NINL: variants seen among roughly 807,000 people sequenced by gnomAD.
NINL encodes the protein ninein-like protein.
A neutral mutation model predicts 160.3 loss-of-function variants in NINL; 153 were observed. The observed-to-expected ratio is 0.95, with a 90% CI of 0.84 to 1.09. The LOEUF (loss-of-function observed/expected upper bound fraction) is 1.09. Ranked by LOEUF, NINL falls within the 50% of genes least tolerant of loss-of-function variation. The pLI, the probability that NINL is intolerant of heterozygous loss-of-function variation, is 0.00. For missense variants in NINL, 1,829 were observed against 1,764.0 expected (o/e 1.04, Z -0.66); for synonymous variants, 800 against 734.8 (o/e 1.09, Z -1.43).
intron 13 of NINL, among the ~76,000 whole-genome samples, chr20:25,485,780 T>G (rs1263244193): frequency 3.3e-5 from 5 of 152,242 alleles, no homozygotes; most frequent in Admixed American, 1.3e-4. Flanking sequence ...AAAACTTGGA[T>G]GTCATGAAGA....
Position 25,521,689 on chromosome 20 carries a change from C to T in NINL, c.181-3840G>A, listed in dbSNP as rs73335381. Among the ~76,000 whole-genome samples the T allele has an allele frequency of 8.7e-3, 1,331 of 152,278 alleles. 26 individuals carry two copies. Among genetic ancestry groups the T allele is most frequent in the African/African-American group, 0.031 (1,268 of 41,556 alleles). On this transcript the variant is annotated intron_variant, in intron 2 of 23. Coordinates refer to ENST00000278886, the MANE Select transcript of NINL (RefSeq NM_025176.6). ...AGCAGTATAATGACTGACTGCAATT[C>T]ATCTTTACCCTACAGGTCTTACCCT...
At chr20:25,455,104 C>T (rs1011899433) in intron 23 of NINL, among the ~76,000 whole-genome samples, 5 of 152,136 alleles carry the variant, frequency 3.3e-5, no homozygotes, top group Admixed American at 6.5e-5. Context: ...CCCCCAGACA[C>T]GAGGAGATGT....
chr20:25,469,707 T>C (rs2063045212), intron 18 of NINL, among the ~76,000 whole-genome samples: 1 of 152,176 alleles, frequency 6.6e-6, no homozygotes, highest in African/African-American at 2.4e-5. Flanking sequence ...ACGGCGCCTG[T>C]GCTAGGGCTC....
chr20:25,546,662 C>T (rs2064736774), intron 1 of NINL, among the ~76,000 whole-genome samples: 1 of 151,974 alleles, frequency 6.6e-6, no homozygotes, highest in African/African-American at 2.4e-5. Context: ...TACCCTACCC[C>T]CACCCTCCAA....
At chr20:25,503,026 A>C (rs1601167473) in intron 7 of NINL, among the ~76,000 whole-genome samples, 1 of 152,246 alleles carries the variant, frequency 6.6e-6, no homozygotes. Flanking sequence ...TTGCTGGGGC[A>C]TATCACAGCA....
intron 6 of NINL, 66 bp from the exon 7 acceptor site, chr20:25,504,170 C>T: frequency 7.4e-7 from 1 of 1,345,306 alleles, no homozygotes; most frequent in African/African-American, 1.5e-5. Flanking sequence ...CTCACCAGGG[C>T]CTCCCTCCCT....
intron 1 of NINL, among the ~76,000 whole-genome samples, chr20:25,583,553 G>A (rs2065196816): frequency 6.6e-6 from 1 of 152,176 alleles, no homozygotes; most frequent in South Asian, 2.1e-4. Flanking sequence ...AACCATTGTG[G>A]AAGACAGTGT....
In NINL at chr20:25,500,922, T is replaced by C. The variant is rs369412934; in HGVS notation, c.950A>G (p.Asp317Gly). 9 of 1,614,166 alleles carry C rather than the reference T, an allele frequency of 5.6e-6. No homozygotes were observed. In the South Asian group the frequency reaches 7.7e-5, roughly 14 times the overall value. Residue 317 changes from aspartate (D) to glycine (G), a missense_variant, in exon 8 of 24, where the codon GAT (aspartate) becomes GGT (glycine). Asp to Gly is a moderately conservative substitution (Grantham distance 94). Transcript: ENST00000278886. The part of the protein sequence containing the change: ...SSLRLFSSID[D>G]GSGFAFPDQV... Reference sequence around the variant, plus strand: ...ATCAGGAAAAGCGAAGCCAGAACCATCGTCAATGCTGGAGAAGAGGCGCAG... The same window carrying C: ...ATCAGGAAAAGCGAAGCCAGAACCACCGTCAATGCTGGAGAAGAGGCGCAG...
intron 1 of NINL, among the ~76,000 whole-genome samples, chr20:25,549,275 C>A (rs1226746275): frequency 1.3e-5 from 2 of 151,660 alleles, no homozygotes; most frequent in African/African-American, 2.4e-5. Context: ...GGACCCACAG[C>A]CACACCTCCC....
intron 10 of NINL, among the ~76,000 whole-genome samples, chr20:25,496,125 T>TA (rs2063747806): frequency 6.6e-6 from 1 of 152,118 alleles, no homozygotes; most frequent in African/African-American, 2.4e-5. Flanking sequence ...CAGCCTGGGA[T>TA]ACAGAGGGAG....
chr20:25,518,125 G>A (rs111999658), intron 2 of NINL, among the ~76,000 whole-genome samples: 27 of 152,294 alleles, frequency 1.8e-4, no homozygotes, highest in African/African-American at 5.5e-4. Flanking sequence ...TGATGACCAC[G>A]AAACGTTACA....
rs1201597404 is a variant in NINL at position 25,526,565 on chromosome 20, T to C, written c.23A>G (p.Tyr8Cys). Residue 8 changes from tyrosine to cysteine, a missense_variant, in exon 2 of 24, where the codon TAT becomes TGT. Coordinates refer to ENST00000278886, the MANE Select transcript of NINL (RefSeq NM_025176.6). ...GTAGACTTCCCTGAGCTGCGAGACA[T>C]AGTGGTTCTCTTCTTCATCCATCCC... MDEEENHYVSQLREVYSS... is the reference protein window; with the variant it reads MDEEENHCVSQLREVYSS... 2 of 1,614,088 alleles carry C rather than the reference T, an allele frequency of 1.2e-6. No homozygotes were observed. Among genetic ancestry groups the C allele is most frequent in the Non-Finnish European group, 8.5e-7 (1 of 1,179,956 alleles).
intron 10 of NINL, among the ~76,000 whole-genome samples, chr20:25,493,884 C>G (rs1302112712): frequency 1.3e-5 from 2 of 152,128 alleles, no homozygotes; most frequent in African/African-American, 2.4e-5. Context: ...CTGCACCTGT[C>G]CCTGTACCTG....
Position 25,503,817 on chromosome 20 carries a change from C to T in NINL, c.861+135G>A, listed in dbSNP as rs73904484. On this transcript the variant is annotated intron_variant, in intron 7 of 23. Transcript: ENST00000278886. Reference sequence around the variant, plus strand: ...CGTCACGTGGCCTCCCATATACATGCGTGTGTGCATGGCCTGTCCAGTTCT... The same window carrying T: ...CGTCACGTGGCCTCCCATATACATGTGTGTGTGCATGGCCTGTCCAGTTCT... 3.4e-4 allele frequency: 357 copies of T among 1,035,322 alleles called. 1 individual carries two copies. The African/African-American group carries it at 4.5e-3, about 13-fold the overall frequency. The allele number at this position is 1,035,322 out of a possible 1,614,324, so 64.1% of individuals were successfully genotyped here.
chr20:25,474,718 G>A (rs111574063), intron 17 of NINL, among the ~76,000 whole-genome samples: 19,387 of 151,528 alleles, frequency 0.13, 1,988 homozygotes, highest in East Asian at 0.56. Flanking sequence ...AGGTTCAAGC[G>A]ATTCTCCTGC....
chr20:25,496,824 G>C, intron 9 of NINL, 21 bp from the exon 10 acceptor site: 1 of 1,612,288 alleles, frequency 6.2e-7, no homozygotes, highest in Non-Finnish European at 8.5e-7. Flanking sequence ...AAGGAGACAG[G>C]GTCAGATGGG....
intron 10 of NINL, among the ~76,000 whole-genome samples, chr20:25,491,797 C>A (rs1457447569): frequency 6.6e-6 from 1 of 152,244 alleles, no homozygotes; most frequent in South Asian, 2.1e-4. Flanking sequence ...AGGAGCACAG[C>A]TCCCTGGGGT....
intron 18 of NINL, among the ~76,000 whole-genome samples, chr20:25,469,216 G>C (rs1429051882): frequency 7.8e-5 from 7 of 90,048 alleles, no homozygotes; most frequent in African/African-American, 1.4e-4. Context: ...TCACTGGTGG[G>C]CGCCCGCCTG....
At chr20:25,474,848 C>T (rs548249958) in intron 17 of NINL, among the ~76,000 whole-genome samples, 43 of 150,342 alleles carry the variant, frequency 2.9e-4, no homozygotes, top group Admixed American at 2.2e-3. Flanking sequence ...TGCAGTGGCG[C>T]GATCTCAAAA....
Sources: allele counts gnomAD v4.1 joint callset (sites outside exome capture counted in the v4.1 genomes callset), GRCh38; gene constraint gnomAD v4.1.1; transcripts MANE v1.5; gene names NCBI Gene and HGNC (gene_info 2026-07-23, HGNC 2026-07-21).